The following UIMC1 variants were observed in gnomAD, a reference collection of about 807,000 sequenced individuals.
The protein encoded by UIMC1 is BRCA1-A complex subunit RAP80.
A neutral mutation model predicts 84.9 loss-of-function variants in UIMC1; 42 were observed. The observed-to-expected ratio is 0.49, with a 90% CI of 0.39 to 0.64. The LOEUF (loss-of-function observed/expected upper bound fraction) is 0.64. Among genes scored for constraint, UIMC1 ranks in the 30% least tolerant of loss-of-function variants. The pLI is 0.00. For missense variants in UIMC1, 825 were observed against 847.6 expected, an observed-to-expected ratio of 0.97 and a Z score of 0.33; for synonymous variants, 281 against 293.0, an observed-to-expected ratio of 0.96 and a Z score of 0.42.
At chr5:177,000,079 C>T (rs912414650) in intron 1 of UIMC1, among the ~76,000 whole-genome samples, 5 of 152,154 alleles carry the variant, frequency 3.3e-5, no homozygotes, top group African/African-American at 9.7e-5. Context: ...TTGCCTCAGC[C>T]TCCCGAGTAG....
At chr5:176,967,190 AT>A (rs1471773477) in intron 6 of UIMC1, among the ~76,000 whole-genome samples, 1 of 152,206 alleles carries the variant, frequency 6.6e-6, no homozygotes, top group Non-Finnish European at 1.5e-5. Context: ...AAATTATCAT[AT>A]AATACAAATA....
chr5:177,001,147 G>C (rs1262026300), intron 1 of UIMC1, among the ~76,000 whole-genome samples: 1 of 152,168 alleles, frequency 6.6e-6, no homozygotes, highest in Non-Finnish European at 1.5e-5. Context: ...TGAGGTCTTA[G>C]ATTTAATACA....
chr5:176,969,269 T>C lies in UIMC1; in HGVS notation c.486A>G (p.Pro162=), dbSNP rs775001419. The C allele has an allele frequency of 2.2e-5, 35 of 1,613,240 alleles. No individual in the cohort carries two copies. Among genetic ancestry groups the C allele is most frequent in the Non-Finnish European group, 2.8e-5 (33 of 1,179,702 alleles). The stretch of plus-strand genomic sequence containing the variant: ...TGATATGTGAGCCTTTAAACAGTGA[T>C]GGAGGTACCAGCTGCCATATGCCTG... ...LTEGIWQLVP[P]SLFKGSHISQ... The change falls in exon 6 of 15, where the codon CCA becomes CCG. Residue 162 remains proline, a synonymous_variant. Coordinates refer to ENST00000511320, the MANE Select transcript of UIMC1 (RefSeq NM_001199298.2).
chr5:176,914,094 T>C (rs760073323), intron 10 of UIMC1, among the ~76,000 whole-genome samples: 54 of 127,408 alleles, frequency 4.2e-4, no homozygotes, highest in African/African-American at 2.1e-3. Context: ...CACCATACCA[T>C]ACCATACAAT....
upstream of UIMC1, among the ~76,000 whole-genome samples, chr5:177,007,340 CA>C (rs56871601): frequency 0.023 from 1,340 of 58,370 alleles, 4 homozygotes; most frequent in East Asian, 0.028. Flanking sequence ...GACTCCGTCT[CA>C]AAAAAAAAAA....
At chr5:177,013,645 G>A (rs1404877897) in intron 1 of UIMC1, among the ~76,000 whole-genome samples, 2 of 152,138 alleles carry the variant, frequency 1.3e-5, no homozygotes, top group Non-Finnish European at 2.9e-5. Flanking sequence ...AGGAAACACA[G>A]CCAATAGAGA....
intron 1 of UIMC1, among the ~76,000 whole-genome samples, chr5:176,986,214 G>A (rs949796085): frequency 4.6e-5 from 7 of 151,574 alleles, no homozygotes; most frequent in African/African-American, 1.7e-4. Context: ...ACAAAAATTA[G>A]CTCGGCGTGG....
chr5:176,941,796 T>C (rs1043140999), intron 10 of UIMC1, among the ~76,000 whole-genome samples: 11 of 152,104 alleles, frequency 7.2e-5, no homozygotes, highest in African/African-American at 2.7e-4. Flanking sequence ...ATTAACAAGA[T>C]TTTCTTGATC....
intron 10 of UIMC1, among the ~76,000 whole-genome samples, chr5:176,925,321 G>C (rs1762261419): frequency 6.6e-6 from 1 of 151,978 alleles, no homozygotes; most frequent in Non-Finnish European, 1.5e-5. Context: ...TAAAATTAAG[G>C]GGATAAAACA....
chr5:176,972,069 C>T (rs1769320367), intron 3 of UIMC1, among the ~76,000 whole-genome samples: 2 of 152,080 alleles, frequency 1.3e-5, no homozygotes, highest in South Asian at 4.1e-4. Context: ...ACAAGCTATA[C>T]TACTGGGTAA....
chr5:177,006,070 C>CA (rs751548323), intron 1 of UIMC1, among the ~76,000 whole-genome samples: 10 of 152,228 alleles, frequency 6.6e-5, no homozygotes, highest in Non-Finnish European at 1.0e-4. Flanking sequence ...AGCAACCCGG[C>CA]ACGGGAAGGA....
chr5:176,946,447 G>C (rs1276813818), intron 9 of UIMC1, among the ~76,000 whole-genome samples: 1 of 152,112 alleles, frequency 6.6e-6, no homozygotes, highest in East Asian at 1.9e-4. Flanking sequence ...GGGAGGCGGA[G>C]GCTGCAGTGA....
chr5:177,005,005 T>C (rs1775060184), intron 1 of UIMC1, among the ~76,000 whole-genome samples: 2 of 152,016 alleles, frequency 1.3e-5, no homozygotes, highest in South Asian at 4.1e-4. Context: ...GCAATCCTCC[T>C]ACCTCAGTTT....
intron 1 of UIMC1, among the ~76,000 whole-genome samples, chr5:177,000,663 G>A (rs1774319746): frequency 6.6e-6 from 1 of 151,684 alleles, no homozygotes; most frequent in Non-Finnish European, 1.5e-5. Flanking sequence ...ACCACGCCCG[G>A]CTAATTTTGC....
intron 10 of UIMC1, among the ~76,000 whole-genome samples, chr5:176,914,879 A>G (rs1248929383): frequency 6.6e-6 from 1 of 152,222 alleles, no homozygotes; most frequent in Admixed American, 6.5e-5. Context: ...CTCCTATTCT[A>G]TCAACCAGCC....
intron 6 of UIMC1, among the ~76,000 whole-genome samples, chr5:176,965,882 G>C (rs903360818): frequency 6.6e-6 from 1 of 152,152 alleles, no homozygotes; most frequent in Non-Finnish European, 1.5e-5. Context: ...CTAACAACTT[G>C]AATTACAATA....
intron 11 of UIMC1, among the ~76,000 whole-genome samples, chr5:176,911,029 T>C (rs1760075435): frequency 6.7e-6 from 1 of 148,978 alleles, no homozygotes; most frequent in Non-Finnish European, 1.5e-5. Context: ...GCGGAGGTTA[T>C]GGTGAGCTGA....
At chr5:176,993,547 T>C (rs1773180198) in intron 1 of UIMC1, among the ~76,000 whole-genome samples, 2 of 152,074 alleles carry the variant, frequency 1.3e-5, no homozygotes, top group Non-Finnish European at 1.5e-5. Flanking sequence ...AATATACCTA[T>C]ATAAAAAACC....
At chr5:176,988,044 T>C (rs773409134) in intron 1 of UIMC1, among the ~76,000 whole-genome samples, 9 of 137,996 alleles carry the variant, frequency 6.5e-5, no homozygotes, top group Non-Finnish European at 1.1e-4. Flanking sequence ...GGATGGAGGA[T>C]CAATTGAGCC....
Sources: allele counts gnomAD v4.1 joint callset (sites outside exome capture counted in the v4.1 genomes callset), GRCh38; gene constraint gnomAD v4.1.1; transcripts MANE v1.5; gene names NCBI Gene and HGNC (gene_info 2026-07-23, HGNC 2026-07-21).